The following RB1 variants were observed in gnomAD, a reference collection of about 807,000 sequenced individuals.
The protein encoded by RB1 is retinoblastoma-associated protein.
A neutral mutation model predicts 135.4 loss-of-function variants in RB1; 18 were observed. That is an observed-to-expected ratio of 0.13 (90% CI 0.09 to 0.20). The LOEUF (loss-of-function observed/expected upper bound fraction) is 0.20. Ranked by LOEUF, RB1 falls within the 10% of genes least tolerant of loss-of-function variation. The pLI, the probability that RB1 is intolerant of heterozygous loss-of-function variation, is 1.00. For synonymous variants in RB1, 365 were observed against 373.2 expected, an observed-to-expected ratio of 0.98 and a Z score of 0.25; for missense variants, 868 against 1,110.0, an observed-to-expected ratio of 0.78 and a Z score of 3.10.
chr13:48,451,109 A>G (rs1477334228), intron 17 of RB1, among the ~76,000 whole-genome samples: 1 of 151,694 alleles, frequency 6.6e-6, no homozygotes, highest in African/African-American at 2.4e-5. Context: ...CTCTCTTCCT[A>G]TATGAATATC....
intron 2 of RB1, among the ~76,000 whole-genome samples, chr13:48,325,526 C>G (rs1275463398): frequency 6.6e-6 from 1 of 152,126 alleles, no homozygotes; most frequent in Non-Finnish European, 1.5e-5. Context: ...AAAGTATAAA[C>G]AGTAAAAAGT....
chr13:48,466,776 G>A (rs1467255503), intron 23 of RB1, among the ~76,000 whole-genome samples: 7 of 87,992 alleles, frequency 8.0e-5, no homozygotes, highest in African/African-American at 2.7e-4. Context: ...AGCCTCAGGA[G>A]CCAATGCGAT....
intron 17 of RB1, among the ~76,000 whole-genome samples, chr13:48,417,715 C>T (rs1355091412): frequency 6.6e-6 from 1 of 152,094 alleles, no homozygotes; most frequent in Non-Finnish European, 1.5e-5. Flanking sequence ...CTGAAAAACA[C>T]AGCACAAGAA....
chr13:48,318,248 C>T (rs890158646), intron 2 of RB1: 43 of 753,664 alleles, frequency 5.7e-5, no homozygotes, highest in Non-Finnish European at 8.7e-5. Flanking sequence ...TATTAAGCAC[C>T]GGCGGGCTTC....
chr13:48,472,971 A>G (rs1254354535), intron 23 of RB1, among the ~76,000 whole-genome samples: 1 of 151,174 alleles, frequency 6.6e-6, no homozygotes, highest in Non-Finnish European at 1.5e-5. Flanking sequence ...TCTGATTATT[A>G]CTTAATATTC....
chr13:48,414,185 C>G (rs1593487952), intron 17 of RB1, among the ~76,000 whole-genome samples: 1 of 151,744 alleles, frequency 6.6e-6, no homozygotes, highest in African/African-American at 2.4e-5. Context: ...CCATCTCTAC[C>G]AAAAATACAA....
chr13:48,339,549 C>T (rs917174792), intron 2 of RB1, among the ~76,000 whole-genome samples: 5 of 152,166 alleles, frequency 3.3e-5, no homozygotes, highest in African/African-American at 7.2e-5. Context: ...GGGAGTGACC[C>T]GATTTTCCAG....
chr13:48,320,284 G>T, intron 2 of RB1: 2 of 1,220,706 alleles, frequency 1.6e-6, no homozygotes, highest in Non-Finnish European at 2.4e-6. Flanking sequence ...GCGCTCATCG[G>T]TGGTGCCCCG....
At chr13:48,418,347 C>T (rs533405022) in intron 17 of RB1, among the ~76,000 whole-genome samples, 1 of 152,164 alleles carries the variant, frequency 6.6e-6, no homozygotes. Context: ...ATTTTGTCAC[C>T]ACCAGGCCTG....
At chr13:48,341,187 C>T (rs61948349) in intron 2 of RB1, 1 of 152,004 alleles carries the variant, frequency 6.6e-6, no homozygotes, top group East Asian at 1.9e-4. Context: ...TCAATGCATC[C>T]TTTTGAGTCT....
intron 17 of RB1, chr13:48,439,915 A>T (rs1272179910): frequency 1.3e-5 from 2 of 152,168 alleles, no homozygotes; most frequent in Non-Finnish European, 2.9e-5. Flanking sequence ...AAATGCAGAA[A>T]TATAGTTTAT....
chr13:48,391,354 T>C (rs1370490335), intron 17 of RB1: 2 of 152,198 alleles, frequency 1.3e-5, no homozygotes, highest in African/African-American at 2.4e-5. Context: ...TTAAAGAGAA[T>C]TCAAAACAAG....
At chr13:48,314,884 G>T (rs904190424) in intron 2 of RB1, among the ~76,000 whole-genome samples, 2 of 151,946 alleles carry the variant, frequency 1.3e-5, no homozygotes, top group Non-Finnish European at 2.9e-5. Context: ...TAGATCTCTG[G>T]ACTTGTTCAT....
intron 17 of RB1, among the ~76,000 whole-genome samples, chr13:48,439,117 C>A (rs1481305281): frequency 1.3e-5 from 2 of 152,160 alleles, no homozygotes; most frequent in Non-Finnish European, 2.9e-5. Flanking sequence ...AGTATAGCAG[C>A]TAACGGCACA....
chr13:48,357,958 GA>G (rs1463237074), intron 6 of RB1, among the ~76,000 whole-genome samples: 12 of 152,106 alleles, frequency 7.9e-5, no homozygotes, highest in Non-Finnish European at 1.6e-4. Flanking sequence ...GACATTAAAT[GA>G]ACAATCACAG....
chr13:48,396,021 T>C (rs1948645201), intron 17 of RB1, among the ~76,000 whole-genome samples: 2 of 152,150 alleles, frequency 1.3e-5, no homozygotes, highest in Non-Finnish European at 2.9e-5. Context: ...TGGCAAAACA[T>C]TCCATGCTCA....
At chr13:48,478,113 T>C (rs1055585535) in intron 26 of RB1, among the ~76,000 whole-genome samples, 5 of 152,140 alleles carry the variant, frequency 3.3e-5, no homozygotes, top group Non-Finnish European at 7.4e-5. Flanking sequence ...GATCCATTGA[T>C]AGGAAAAGGA....
At chr13:48,330,623 C>G (rs1952325341) in intron 2 of RB1, among the ~76,000 whole-genome samples, 1 of 152,098 alleles carries the variant, frequency 6.6e-6, no homozygotes, top group Admixed American at 6.6e-5. Context: ...AATAGAAAAT[C>G]TGAATGACCA....
intron 2 of RB1, chr13:48,317,025 G>T: frequency 1.7e-6 from 1 of 597,706 alleles, no homozygotes; most frequent in Non-Finnish European, 2.7e-6. Flanking sequence ...CTCCGAGCCC[G>T]AGTTCCTCCT....
Sources: allele counts gnomAD v4.1 joint callset (sites outside exome capture counted in the v4.1 genomes callset), GRCh38; gene constraint gnomAD v4.1.1; transcripts MANE v1.5; gene names NCBI Gene and HGNC (gene_info 2026-07-23, HGNC 2026-07-21).